ZNF678: variants seen among roughly 807,000 people sequenced by gnomAD.
ZNF678 encodes zinc finger protein 678.
In ZNF678, 5 loss-of-function variants were observed where a neutral mutation model predicts 3.0. The ratio of observed to expected loss-of-function variants is 1.69; its 90% CI spans 0.88 to 3.56. The LOEUF (loss-of-function observed/expected upper bound fraction) is 3.56, where lower values mean the gene tolerates loss of function less well. Ranked by LOEUF, ZNF678 falls within the 30% of genes most tolerant of loss-of-function variation. ZNF678 has a pLI of 0.00. For synonymous variants in ZNF678, 218 were observed against 199.6 expected, an observed-to-expected ratio of 1.09 and a Z score of -0.78; for missense variants, 593 against 605.0, an observed-to-expected ratio of 0.98 and a Z score of 0.21.
At chr1:227,628,268 T>C (rs1303868485) in intron 1 of ZNF678, among the ~76,000 whole-genome samples, 2 of 152,240 alleles carry the variant, frequency 1.3e-5, no homozygotes, top group East Asian at 1.9e-4. Context: ...CTCGGACCTG[T>C]GTAAGGACTT....
intron 1 of ZNF678, among the ~76,000 whole-genome samples, chr1:227,583,080 T>C (rs541557865): frequency 6.6e-6 from 1 of 152,288 alleles, no homozygotes; most frequent in African/African-American, 2.4e-5. Context: ...CACTTGTTTT[T>C]ATTTATTTTA....
chr1:227,569,717 A>G (rs959027969), intron 1 of ZNF678, among the ~76,000 whole-genome samples: 4 of 152,174 alleles, frequency 2.6e-5, no homozygotes, highest in African/African-American at 4.8e-5. Context: ...TTTTACATAT[A>G]TAAGATTATG....
At chr1:227,593,859 C>A (rs1423945830) in intron 1 of ZNF678, among the ~76,000 whole-genome samples, 2 of 65,886 alleles carry the variant, frequency 3.0e-5, no homozygotes, top group Non-Finnish European at 2.6e-5. Flanking sequence ...AGTCCATCCC[C>A]CCCCCCCCTT....
intron 1 of ZNF678, among the ~76,000 whole-genome samples, chr1:227,602,511 T>C (rs953259585): frequency 6.6e-6 from 1 of 152,242 alleles, no homozygotes; most frequent in Non-Finnish European, 1.5e-5. Flanking sequence ...CCCTATCCTA[T>C]ATACCATAAG....
In ZNF678 at chr1:227,596,487, G is replaced by T. The variant is rs141978050; in HGVS notation, c.-164+32763G>T. Among the ~76,000 whole-genome samples the T allele has an allele frequency of 4.0e-3, 615 of 152,272 alleles. 6 individuals carry two copies. Among genetic ancestry groups the T allele is most frequent in the African/African-American group, 0.014 (584 of 41,548 alleles). On this transcript the variant is annotated intron_variant, in intron 1 of 3. Coordinates refer to ENST00000343776, the MANE Select transcript of ZNF678 (RefSeq NM_001367909.1). ...TTCCATACAATGTCTGGAATCTATA[G>T]ATAACATAACCAGTTGGGTCAGGTG...
At position 227,658,106 on chromosome 1, in the gene ZNF678, A is replaced by C. The variant is rs1176312402; in HGVS notation, c.*2278A>C. 2.0e-5 allele frequency: 3 copies of C among 151,992 alleles called. No homozygotes were observed. Among genetic ancestry groups the C allele is most frequent in the African/African-American group, 7.2e-5 (3 of 41,422 alleles). 9.4% of individuals were successfully genotyped at this position (151,992 alleles called of 1,614,324 possible). ...ATATGTGTGTTACTACATTTTATTT[A>C]ATTAGTATATTTTATTTTTGTATTT... On this transcript the variant is annotated 3_prime_UTR_variant, in exon 4 of 4. Coordinates refer to ENST00000343776, the MANE Select transcript of ZNF678 (RefSeq NM_001367909.1).
chr1:227,649,824 T>A (rs191864461), intron 2 of ZNF678, among the ~76,000 whole-genome samples: 4 of 152,334 alleles, frequency 2.6e-5, no homozygotes, highest in Non-Finnish European at 5.9e-5. Context: ...TGGAAAAATA[T>A]CTATTGGGTC....
At chr1:227,598,306 G>GAAT in intron 1 of ZNF678, 1 of 1,116,512 alleles carries the variant, frequency 9.0e-7, no homozygotes, top group Non-Finnish European at 1.2e-6. Flanking sequence ...AATAGTCCAG[G>GAAT]AATAATTCTA....
At chr1:227,673,158 T>A (rs1659628454) in intron 5 of ZNF678, among the ~76,000 whole-genome samples, 1 of 152,158 alleles carries the variant, frequency 6.6e-6, no homozygotes, top group South Asian at 2.1e-4. Context: ...CACTCCACCT[T>A]GCACTTACTT....
chr1:227,593,299 A>G (rs1657467043), intron 1 of ZNF678, among the ~76,000 whole-genome samples: 1 of 152,238 alleles, frequency 6.6e-6, no homozygotes, highest in Non-Finnish European at 1.5e-5. Flanking sequence ...TTAACCAGGC[A>G]TTTGCATCTT....
rs556932439 is a variant in ZNF678 at position 227,576,476 on chromosome 1, T to G, written c.-164+12752T>G. On this transcript the variant is annotated intron_variant, in intron 1 of 3. Transcript: ENST00000343776. ...TATTCCTAGTTCAGTCTGGGGAGGG[T>G]GTGTGTGTCCAGGAATGTATCCATT... Among the ~76,000 whole-genome samples the G allele has an allele frequency of 2.0e-5, 3 of 152,110 alleles. No individual in the cohort carries two copies. In the South Asian group the frequency reaches 6.2e-4, roughly 32 times the overall value.
chr1:227,621,152 T>C (rs1052996009), intron 1 of ZNF678, among the ~76,000 whole-genome samples: 3 of 152,172 alleles, frequency 2.0e-5, no homozygotes, highest in Non-Finnish European at 4.4e-5. Flanking sequence ...AGAGTGAGGT[T>C]AGAGAATTGC....
intron 1 of ZNF678, among the ~76,000 whole-genome samples, chr1:227,590,612 A>G (rs1266408675): frequency 6.6e-6 from 1 of 151,834 alleles, no homozygotes; most frequent in Non-Finnish European, 1.5e-5. Context: ...CGCAGGAAGC[A>G]TAGACAGGGA....
Position 227,657,930 on chromosome 1 carries a change from T to C in ZNF678, c.*2102T>C, listed in dbSNP as rs1323493864. ...AGAATCTTCTCATGCAAATCCTGTT[T>C]TTTTCTTGTCTGTTGATCATACTAA... On this transcript the variant is annotated 3_prime_UTR_variant, in exon 4 of 4. Transcript: ENST00000343776. The C allele has an allele frequency of 6.6e-6, 1 of 152,028 alleles. No individual in the cohort carries two copies. Among genetic ancestry groups the C allele is most frequent in the Non-Finnish European group, 1.5e-5 (1 of 67,906 alleles). The allele number at this position is 152,028 out of a possible 1,614,324, so 9.4% of individuals were successfully genotyped here.
At chr1:227,590,817 T>C (rs911711250) in intron 1 of ZNF678, among the ~76,000 whole-genome samples, 7 of 151,708 alleles carry the variant, frequency 4.6e-5, no homozygotes, top group Non-Finnish European at 8.8e-5. Context: ...CTTTGGAAAT[T>C]TACTCTGTGT....
chr1:227,645,845 C>G (rs1327830330), intron 1 of ZNF678, among the ~76,000 whole-genome samples: 1 of 152,192 alleles, frequency 6.6e-6, no homozygotes, highest in Non-Finnish European at 1.5e-5. Flanking sequence ...GGTTAAGGTG[C>G]TCTCTGACAG....
At chr1:227,642,879 A>G (rs921579122) in intron 1 of ZNF678, among the ~76,000 whole-genome samples, 3 of 152,212 alleles carry the variant, frequency 2.0e-5, no homozygotes, top group African/African-American at 7.2e-5. Context: ...ATGAAGAACC[A>G]AGAGGAGATC....
chr1:227,598,435 C>G, intron 1 of ZNF678: 17 of 1,475,220 alleles, frequency 1.2e-5, no homozygotes, highest in Non-Finnish European at 1.3e-5. Flanking sequence ...TATGGTGAGT[C>G]AGGACTTGAA....
chr1:227,665,388 CAG>C (rs1659486892), downstream of ZNF678, among the ~76,000 whole-genome samples: 1 of 152,210 alleles, frequency 6.6e-6, no homozygotes, highest in South Asian at 2.1e-4. Context: ...CACAAAAACT[CAG>C]AGCACTGTGG....
Sources: gnomAD v4.1 joint callset for allele counts (sites outside exome capture counted in the v4.1 genomes callset) on GRCh38, gnomAD v4.1.1 for gene constraint, MANE v1.5 for transcripts, NCBI Gene and HGNC (gene_info 2026-07-23, HGNC 2026-07-21) for gene names.